Variants in SP4 observed in about 807,000 individuals in gnomAD.
SP4 encodes Sp4 transcription factor.
In SP4, 19 loss-of-function variants were observed where a neutral mutation model predicts 72.8. The ratio of observed to expected loss-of-function variants is 0.26; its 90% confidence interval spans 0.18 to 0.38. The LOEUF is 0.38. Ranked by LOEUF, SP4 falls within the 10% of genes least tolerant of loss-of-function variation. The pLI is 1.00. For missense variants in SP4, 1,008 were observed against 926.3 expected (o/e 1.09, Z -1.14); for synonymous variants, 395 against 333.1 (o/e 1.19, Z -2.02).
intron 5 of SP4, among the ~76,000 whole-genome samples, chr7:21,494,583 A>G (rs1484550695): frequency 1.3e-5 from 2 of 152,192 alleles, no homozygotes; most frequent in African/African-American, 2.4e-5. Context: ...AATATATGCA[A>G]GACATGTAAG....
chr7:21,474,889 C>T (rs115992809), intron 3 of SP4, among the ~76,000 whole-genome samples: 1,906 of 152,238 alleles, frequency 0.013, 42 homozygotes, highest in African/African-American at 0.043. Context: ...TTTTAATGTG[C>T]ATGTTAGTTA....
chr7:21,499,498 C>A (rs1460759112), intron 5 of SP4, among the ~76,000 whole-genome samples: 1 of 152,124 alleles, frequency 6.6e-6, no homozygotes, highest in Admixed American at 6.5e-5. Context: ...AGTGCAGCTA[C>A]AAACCAAGGA....
intron 3 of SP4, among the ~76,000 whole-genome samples, chr7:21,437,778 G>T (rs549689380): frequency 4.6e-5 from 7 of 152,290 alleles, no homozygotes; most frequent in African/African-American, 1.7e-4. Flanking sequence ...ACTGAGAGTA[G>T]AATAAAGCTT....
chr7:21,449,658 A>C (rs1458185769), intron 3 of SP4, among the ~76,000 whole-genome samples: 1 of 152,210 alleles, frequency 6.6e-6, no homozygotes, highest in African/African-American at 2.4e-5. Flanking sequence ...ATTCTCATCT[A>C]TAAGCTCCCT....
rs779576793 is a variant in SP4 at position 21,477,098 on chromosome 7, T to C, written c.1698T>C (p.Asp566=). The C allele has an allele frequency of 3.7e-6, 6 of 1,613,822 alleles. No homozygotes were observed. In the African/African-American group the frequency reaches 4.0e-5, roughly 11 times the overall value. The change falls in exon 4 of 6, where the codon GAT becomes GAC. Residue 566 remains aspartate, a synonymous_variant. Coordinates refer to ENST00000222584, the MANE Select transcript of SP4 (RefSeq NM_003112.5). ...TSVAGQQQGQ[D]GVKVQQATIA... is the part of the protein sequence containing the mutation. Reference sequence around the variant, plus strand: ...TTTTAGGTCAGCAGCAAGGACAAGATGGAGTAAAAGTCCAGCAAGCTACTA... The same window carrying C: ...TTTTAGGTCAGCAGCAAGGACAAGACGGAGTAAAAGTCCAGCAAGCTACTA...
Position 21,428,203 on chromosome 7 carries a change from C to CCCCCACA in SP4, c.-49_-48insCCCCACA. The stretch of plus-strand genomic sequence containing the variant: ...CTCCCGCCTCGCCCCCACCCCCACC[C>CCCCCACA]ACCTCTATCCCAGTGTCTCCGTCTG... On this transcript the variant is annotated 5_prime_UTR_variant, in exon 1 of 6. Transcript: ENST00000222584. The CCCCCACA allele has an allele frequency of 8.2e-7, 1 of 1,216,716 alleles. No individual in the cohort carries two copies. The highest frequency in any genetic ancestry group is 1.2e-6 in the Non-Finnish European group (1 of 854,964). 75.4% of individuals were successfully genotyped at this position (1,216,716 alleles called of 1,614,324 possible). A position where few individuals can be genotyped will look rare whatever the true frequency, so the allele number is the denominator to read the frequency against.
intron 4 of SP4, among the ~76,000 whole-genome samples, chr7:21,478,533 G>C (rs1198089381): frequency 6.6e-6 from 1 of 152,068 alleles, no homozygotes; most frequent in Non-Finnish European, 1.5e-5. Context: ...GCCAGTACTT[G>C]TCATTATCTG....
intron 5 of SP4, 70 bp downstream of exon 5, chr7:21,482,193 T>C: frequency 3.3e-6 from 4 of 1,207,338 alleles, no homozygotes; most frequent in Non-Finnish European, 3.6e-6. Flanking sequence ...TTAGTGATAG[T>C]TTAGCTATCA....
chr7:21,446,391 A>G (rs1445662581), intron 3 of SP4, among the ~76,000 whole-genome samples: 1 of 152,154 alleles, frequency 6.6e-6, no homozygotes, highest in Admixed American at 6.5e-5. Context: ...TGGAAAGCAA[A>G]CATGTTTCAT....
Position 21,428,188 on chromosome 7 carries a change from G to A in SP4, c.-64G>A. ...CGGGACCGGCCTCTCCTCCCGCCTC[G>A]CCCCCACCCCCACCCACCTCTATCC... is the stretch of plus-strand genomic sequence containing the variant. On this transcript the variant is annotated 5_prime_UTR_variant, in exon 1 of 6. Coordinates refer to ENST00000222584, the MANE Select transcript of SP4 (RefSeq NM_003112.5). The A allele has an allele frequency of 1.1e-5, 4 of 371,874 alleles. No individual in the cohort carries two copies. Among genetic ancestry groups the A allele is most frequent in the East Asian group, 6.6e-5 (1 of 15,050 alleles). The allele number at this position is 371,874 out of a possible 1,614,324, so 23.0% of individuals were successfully genotyped here.
intron 5 of SP4, among the ~76,000 whole-genome samples, chr7:21,501,191 T>C (rs142099366): frequency 0.013 from 1,938 of 152,296 alleles, 47 homozygotes; most frequent in African/African-American, 0.044. Context: ...TCTTCGCTTT[T>C]ATGGGCTGAC....
At chr7:21,432,153 ATTTAAT>A (rs1333427446) in intron 3 of SP4, among the ~76,000 whole-genome samples, 1 of 152,188 alleles carries the variant, frequency 6.6e-6, no homozygotes, top group African/African-American at 2.4e-5. Flanking sequence ...TTTAAATTTT[ATTTAAT>A]TTTAATTTAA....
chr7:21,498,312 G>A (rs75258346), intron 5 of SP4, among the ~76,000 whole-genome samples: 2,061 of 152,284 alleles, frequency 0.014, 48 homozygotes, highest in East Asian at 0.079. Flanking sequence ...AATACTGTAT[G>A]CACCATTTTA....
chr7:21,428,150 C>T lies in SP4; in HGVS notation c.-102C>T. ...GTGCCAGCTACAGCCTCCTCCGAGC[C>T]ACCGCGGGCGGGCGGGACCGGCCTC... On this transcript the variant is annotated 5_prime_UTR_variant, in exon 1 of 6. Coordinates refer to ENST00000222584, the MANE Select transcript of SP4 (RefSeq NM_003112.5). 1 of 739,822 alleles carries T rather than the reference C, an allele frequency of 1.4e-6. No homozygotes were observed. Among genetic ancestry groups the T allele is most frequent in the Non-Finnish European group, 2.5e-6 (1 of 405,586 alleles). 45.8% of individuals were successfully genotyped at this position (739,822 alleles called of 1,614,324 possible).
intron 5 of SP4, among the ~76,000 whole-genome samples, chr7:21,487,759 AT>A (rs1784859815): frequency 1.5e-5 from 2 of 132,770 alleles, no homozygotes; most frequent in Admixed American, 1.5e-4. Flanking sequence ...GATGATGATG[AT>A]GATGGTGGTG....
intron 3 of SP4, among the ~76,000 whole-genome samples, chr7:21,455,955 A>G (rs1776567386): frequency 6.6e-6 from 1 of 152,158 alleles, no homozygotes; most frequent in South Asian, 2.1e-4. Flanking sequence ...CCTCCCTTCA[A>G]ATATGACCCT....
intron 5 of SP4, among the ~76,000 whole-genome samples, chr7:21,499,643 A>G (rs1048068601): frequency 6.6e-6 from 1 of 152,206 alleles, no homozygotes; most frequent in East Asian, 1.9e-4. Flanking sequence ...GTGAGAAAAT[A>G]AATTTATGTT....
At chr7:21,447,249 A>G (rs1164127001) in intron 3 of SP4, among the ~76,000 whole-genome samples, 1 of 152,182 alleles carries the variant, frequency 6.6e-6, no homozygotes, top group Non-Finnish European at 1.5e-5. Flanking sequence ...TCTTCTGTTC[A>G]ATATTACCTC....
chr7:21,494,796 C>T (rs1435541193), intron 5 of SP4, among the ~76,000 whole-genome samples: 1 of 152,080 alleles, frequency 6.6e-6, no homozygotes, highest in Admixed American at 6.5e-5. Context: ...ATATGAAAGG[C>T]AAAGCAATTA....
Sources: allele counts gnomAD v4.1 joint callset (sites outside exome capture counted in the v4.1 genomes callset), GRCh38; gene constraint gnomAD v4.1.1; transcripts MANE v1.5; gene names NCBI Gene and HGNC (gene_info 2026-07-23, HGNC 2026-07-21).